IL23R: variants seen among roughly 807,000 people sequenced by gnomAD.
IL23R encodes interleukin-23 receptor.
In IL23R, 34 loss-of-function variants were observed where a neutral mutation model predicts 56.9. The ratio of observed to expected loss-of-function variants is 0.60; its 90% CI spans 0.45 to 0.80. The LOEUF (loss-of-function observed/expected upper bound fraction) is 0.80. Among genes scored for constraint, IL23R ranks in the 30% least tolerant of loss-of-function variants. The probability of loss-of-function intolerance (pLI) is 0.00; values close to 1 mark genes in which losing one functional copy is unlikely to be tolerated. For synonymous variants in IL23R, 230 were observed against 249.2 expected, an observed-to-expected ratio of 0.92 and a Z score of 0.73; for missense variants, 635 against 730.0, an observed-to-expected ratio of 0.87 and a Z score of 1.50.
chr1:67,162,648 A>G (rs996181767), upstream of IL23R, among the ~76,000 whole-genome samples: 1 of 152,220 alleles, frequency 6.6e-6, no homozygotes, highest in Non-Finnish European at 1.5e-5. Context: ...ACATATATCT[A>G]TATGACAGGA....
intron 10 of IL23R, among the ~76,000 whole-genome samples, chr1:67,256,847 C>G (rs1463115878): frequency 1.3e-5 from 2 of 152,298 alleles, no homozygotes; most frequent in Middle Eastern, 6.8e-3. Flanking sequence ...AACCTCATGT[C>G]ATCTGAACAA....
chr1:67,149,683 A>G (rs955276380), intron 1 of IL23R, among the ~76,000 whole-genome samples: 10 of 152,094 alleles, frequency 6.6e-5, no homozygotes, highest in Admixed American at 6.5e-4. Context: ...TAAGCTACCT[A>G]CTTTATACTG....
At chr1:67,173,086 G>C (rs888476939) in intron 3 of IL23R, among the ~76,000 whole-genome samples, 1 of 152,098 alleles carries the variant, frequency 6.6e-6, no homozygotes, top group Non-Finnish European at 1.5e-5. Flanking sequence ...GGTGGGATTG[G>C]CAAGAAAGAG....
intron 1 of IL23R, among the ~76,000 whole-genome samples, chr1:67,143,886 T>C (rs1646659031): frequency 1.3e-5 from 2 of 152,146 alleles, no homozygotes; most frequent in South Asian, 2.1e-4. Flanking sequence ...GCAGCTTGAA[T>C]AGAATAAAAT....
chr1:67,258,184 TA>T (rs1284175450), intron 10 of IL23R, among the ~76,000 whole-genome samples: 2 of 152,184 alleles, frequency 1.3e-5, no homozygotes, highest in African/African-American at 2.4e-5. Flanking sequence ...AATAAGTTAA[TA>T]TATAAGACTC....
intron 4 of IL23R, among the ~76,000 whole-genome samples, chr1:67,198,073 A>G (rs992622709): frequency 1.3e-5 from 2 of 152,152 alleles, no homozygotes; most frequent in Non-Finnish European, 2.9e-5. Flanking sequence ...GAGGGGGGAT[A>G]TGCCACACTC....
intron 4 of IL23R, among the ~76,000 whole-genome samples, chr1:67,188,499 A>G (rs1647511505): frequency 6.6e-6 from 1 of 152,230 alleles, no homozygotes; most frequent in Non-Finnish European, 1.5e-5. Context: ...CTCCTGTGAA[A>G]TGAGGATAAT....
At chr1:67,165,086 G>A (rs777506099), upstream of IL23R, among the ~76,000 whole-genome samples, 17 of 152,088 alleles carry the variant, frequency 1.1e-4, no homozygotes, top group Admixed American at 2.6e-4. Flanking sequence ...GCATGTGCCT[G>A]TGGTGCTAGC....
chr1:67,210,028 A>C (rs1051581998), intron 6 of IL23R, among the ~76,000 whole-genome samples: 12 of 152,220 alleles, frequency 7.9e-5, no homozygotes, highest in African/African-American at 2.9e-4. Flanking sequence ...AGGAGAACTA[A>C]GATGTATGAA....
chr1:67,145,594 A>G (rs747383117), intron 1 of IL23R, among the ~76,000 whole-genome samples: 1 of 152,202 alleles, frequency 6.6e-6, no homozygotes, highest in Non-Finnish European at 1.5e-5. Flanking sequence ...TCACTTTAAC[A>G]TCTTCACTAT....
chr1:67,263,621 A>T (rs1345297990), downstream of IL23R, among the ~76,000 whole-genome samples: 1 of 152,222 alleles, frequency 6.6e-6, no homozygotes, highest in Non-Finnish European at 1.5e-5. Flanking sequence ...CTCCAAATGC[A>T]ATCTGTTGGC....
At chr1:67,261,832 T>C (rs1653213655), downstream of IL23R, among the ~76,000 whole-genome samples, 1 of 152,246 alleles carries the variant, frequency 6.6e-6, no homozygotes, top group Non-Finnish European at 1.5e-5. Flanking sequence ...CATTGTTTGA[T>C]CTTCTGCAAA....
chr1:67,182,823 T>C lies in IL23R; in HGVS notation c.368-13T>C. 1 of 1,613,886 alleles carries C rather than the reference T, an allele frequency of 6.2e-7. No individual in the cohort carries two copies. Among genetic ancestry groups the C allele is most frequent in the Non-Finnish European group, 8.5e-7 (1 of 1,179,822 alleles). ...TTCTTACAGCACCTCCTAAGTGTTA[T>C]GTTTTGTTGCAGATCCGCCAGATAT... On this transcript the variant is annotated splice_polypyrimidine_tract_variant and intron_variant, in intron 3 of 10. Coordinates refer to ENST00000347310, the MANE Select transcript of IL23R (RefSeq NM_144701.3).
intron 7 of IL23R, among the ~76,000 whole-genome samples, chr1:67,223,729 G>A (rs1650443733): frequency 2.0e-5 from 3 of 151,888 alleles, no homozygotes; most frequent in Non-Finnish European, 4.4e-5. Flanking sequence ...AATCTACCCT[G>A]TTAAGTTTTT....
chr1:67,224,513 G>A (rs1650491363), intron 7 of IL23R, among the ~76,000 whole-genome samples: 1 of 152,152 alleles, frequency 6.6e-6, no homozygotes, highest in East Asian at 1.9e-4. Flanking sequence ...AAGACCAGAG[G>A]ACAAATCCTG....
intron 6 of IL23R, 108 bp downstream of exon 6, chr1:67,207,163 A>T (rs1570849208): frequency 1.7e-6 from 2 of 1,194,308 alleles, no homozygotes. Flanking sequence ...TTTTAATCTG[A>T]TTGTTTGCAT....
At chr1:67,208,635 C>A (rs1403171448) in intron 6 of IL23R, among the ~76,000 whole-genome samples, 1 of 152,206 alleles carries the variant, frequency 6.6e-6, no homozygotes, top group African/African-American at 2.4e-5. Flanking sequence ...GGTTTGGGAA[C>A]CTCCACCTAG....
chr1:67,214,557 TGTA>T (rs1444850274), intron 6 of IL23R, among the ~76,000 whole-genome samples: 1 of 152,230 alleles, frequency 6.6e-6, no homozygotes, highest in East Asian at 1.9e-4. Flanking sequence ...AGATGGCCTA[TGTA>T]GCACCACCAG....
rs548541428 is a variant in IL23R, at chr1:67,242,006, C to T, written c.1148+1725C>T. On this transcript the variant is annotated intron_variant, in intron 9 of 10. Transcript: ENST00000347310. ...TTCGGTTTGGCCAATTCTATTATTT[C>T]GCATAACTTTCACAAGAGAATTTAA... Among the ~76,000 whole-genome samples, 35 of 152,290 alleles carry T rather than the reference C, an allele frequency of 2.3e-4. No individual in the cohort carries two copies. In the South Asian group the frequency reaches 5.2e-3, roughly 23 times the overall value.
Sources: gnomAD v4.1 joint callset for allele counts (sites outside exome capture counted in the v4.1 genomes callset) on GRCh38, gnomAD v4.1.1 for gene constraint, MANE v1.5 for transcripts, NCBI Gene and HGNC (gene_info 2026-07-23, HGNC 2026-07-21) for gene names.